PDXDC1: variants seen among roughly 807,000 people sequenced by gnomAD.
The protein encoded by PDXDC1 is pyridoxal dependent decarboxylase domain containing 1.
A neutral mutation model predicts 100.1 loss-of-function variants in PDXDC1; 42 were observed. That is an observed-to-expected ratio of 0.42 (90% CI 0.33 to 0.54). PDXDC1 has a LOEUF of 0.54. PDXDC1 is among the 20% of genes least tolerant of loss of function. PDXDC1 has a pLI of 0.10. For synonymous variants in PDXDC1, 260 were observed against 371.7 expected (o/e 0.70, Z 3.46); for missense variants, 636 against 979.2 (o/e 0.65, Z 4.68).
intron 16 of PDXDC1, chr16:15,094,290 C>G: frequency 7.1e-7 from 1 of 1,400,212 alleles, no homozygotes; most frequent in African/African-American, 1.4e-5. Flanking sequence ...TCCTTCCAGC[C>G]ACAGCCTCTG....
At chr16:14,996,703 G>T (rs1972056646) in intron 1 of PDXDC1, among the ~76,000 whole-genome samples, 1 of 152,260 alleles carries the variant, frequency 6.6e-6, no homozygotes, top group African/African-American at 2.4e-5. Flanking sequence ...AAAAAATTTT[G>T]AAAATTAGCC....
intron 16 of PDXDC1, among the ~76,000 whole-genome samples, chr16:15,124,063 C>A (rs906180405): frequency 3.3e-5 from 5 of 152,176 alleles, no homozygotes; most frequent in African/African-American, 1.2e-4. Context: ...TCATGACTGG[C>A]CTCTCAGGGA....
In PDXDC1 at chr16:14,975,389, G is replaced by C. The variant is rs531573797; in HGVS notation, c.21+169G>C. 48 of 985,382 alleles carry C rather than the reference G, an allele frequency of 4.9e-5. No individual in the cohort carries two copies. In the African/African-American group the frequency reaches 8.0e-4, roughly 16 times the overall value. The allele number at this position is 985,382 out of a possible 1,614,324, so 61.0% of individuals were successfully genotyped here. A position where few individuals can be genotyped will look rare whatever the true frequency, so the allele number is the denominator to read the frequency against. ...GGGAGGGCGGCTGGGGCCCGGGCGC[G>C]TCACGGGGCCGGGTGTCTCTTGGGT... On this transcript the variant is annotated intron_variant, in intron 1 of 22. Coordinates refer to ENST00000396410, the MANE Select transcript of PDXDC1 (RefSeq NM_015027.4).
At chr16:15,142,773 C>T (rs965586674), downstream of PDXDC1, among the ~76,000 whole-genome samples, 15 of 151,962 alleles carry the variant, frequency 9.9e-5, no homozygotes, top group African/African-American at 2.2e-4. Flanking sequence ...CCTCTGCACC[C>T]GCCAGGTGAC....
chr16:15,131,335 G>C, intron 16 of PDXDC1: 1 of 1,562,054 alleles, frequency 6.4e-7, no homozygotes, highest in South Asian at 1.1e-5. Context: ...CACCTTGGTG[G>C]AGACGGTGTA....
intron 16 of PDXDC1, chr16:15,071,212 A>G (rs767835427): frequency 6.2e-7 from 1 of 1,610,946 alleles, no homozygotes; most frequent in Non-Finnish European, 8.5e-7. Flanking sequence ...GGGTCCTGCA[A>G]TTTTTTCCAG....
At chr16:15,090,071 A>G (rs1454051561) in intron 16 of PDXDC1, among the ~76,000 whole-genome samples, 1 of 148,644 alleles carries the variant, frequency 6.7e-6, no homozygotes, top group East Asian at 2.1e-4. Flanking sequence ...TTAACCAGGC[A>G]TGGTGGCGGG....
intron 21 of PDXDC1, among the ~76,000 whole-genome samples, 176 bp downstream of exon 21, chr16:15,034,729 G>A (rs376669756): frequency 7.0e-4 from 107 of 152,186 alleles, no homozygotes; most frequent in African/African-American, 2.2e-3. Flanking sequence ...CCTCCCCACC[G>A]CACCCTGGCG....
intron 16 of PDXDC1, among the ~76,000 whole-genome samples, chr16:15,132,437 AG>A (rs2048148616): frequency 2.4e-5 from 1 of 42,500 alleles, no homozygotes. Context: ...GGGAAGGGGG[AG>A]GGGAGGGGAG....
intron 16 of PDXDC1, among the ~76,000 whole-genome samples, chr16:15,089,522 C>T (rs1168595077): frequency 3.9e-5 from 6 of 152,194 alleles, no homozygotes; most frequent in South Asian, 4.2e-4. Context: ...GATCACTGGC[C>T]GGGCGTGGTT....
chr16:15,088,922 T>A (rs1016362072), intron 16 of PDXDC1, among the ~76,000 whole-genome samples: 2 of 151,842 alleles, frequency 1.3e-5, no homozygotes, highest in Admixed American at 1.3e-4. Flanking sequence ...GAAAGCTCCA[T>A]GAAAGATGGA....
chr16:15,033,321 G>T lies in PDXDC1; in HGVS notation c.1734G>T (p.Met578Ile). Residue 578 changes from methionine to isoleucine, a missense_variant, in exon 19 of 23, where the codon ATG (methionine) becomes ATT (isoleucine). Coordinates refer to ENST00000396410, the MANE Select transcript of PDXDC1 (RefSeq NM_015027.4). ...TGAAGAGCTGCCTTTATGTCGGCAT[G>T]GCGAGCGACAACGTCGATGCTGCTG... Reference protein sequence around the residue: ...KSMKSCLYVGMASDNVDAAEL... With the variant: ...KSMKSCLYVGIASDNVDAAEL... 6.2e-7 allele frequency: 1 copy of T among 1,614,186 alleles called. No individual in the cohort carries two copies. The highest frequency in any genetic ancestry group is 8.5e-7 in the Non-Finnish European group (1 of 1,180,012).
intron 16 of PDXDC1, chr16:15,070,255 C>T: frequency 6.2e-7 from 1 of 1,611,406 alleles, no homozygotes; most frequent in Non-Finnish European, 8.5e-7. Flanking sequence ...TTTTACAGTA[C>T]TAGAGAAAAG....
Position 15,135,589 on chromosome 16 carries a change from T to C in PDXDC1, c.1400-3290T>C, listed in dbSNP as rs982035684. On this transcript the variant is annotated intron_variant, in intron 16 of 16. Transcript: ENST00000535621. ...AGCCCTGGTGGCAAGCTGGGTGTTC[T>C]CTGGGCTCATGGGTGTGGACGGGTG... The C allele has an allele frequency of 8.1e-6, 11 of 1,352,880 alleles. No homozygotes were observed. The African/African-American group carries it at 1.5e-4, about 19-fold the overall frequency. 83.8% of individuals were successfully genotyped at this position (1,352,880 alleles called of 1,614,324 possible).
At chr16:15,125,756 C>T (rs767562885) in intron 16 of PDXDC1, 22 of 1,507,966 alleles carry the variant, frequency 1.5e-5, no homozygotes, top group East Asian at 4.6e-5. Context: ...AGGCAGCTGT[C>T]GATGTCCAGC....
chr16:15,012,814 C>T (rs1374382899), intron 8 of PDXDC1, among the ~76,000 whole-genome samples: 1 of 151,748 alleles, frequency 6.6e-6, no homozygotes, highest in East Asian at 2.0e-4. Context: ...ATTGTGCTAC[C>T]ATACCCCAGC....
intron 5 of PDXDC1, among the ~76,000 whole-genome samples, chr16:15,004,601 GTTAT>G (rs1309028478): frequency 3.3e-5 from 5 of 152,276 alleles, no homozygotes; most frequent in African/African-American, 1.2e-4. Flanking sequence ...AGGGTCAGCA[GTTAT>G]TTATTTGTGG....
In PDXDC1 at chr16:15,136,143, T is replaced by A. The variant is rs1226631577; in HGVS notation, c.1400-2736T>A. On this transcript the variant is annotated intron_variant, in intron 16 of 16. Transcript: ENST00000535621. ...ACACGTCTAGGCTCCTGGGGGCGGG[T>A]GTGGGATGCCAGGGGGCTCAGGGCA... 10 of 1,395,816 alleles carry A rather than the reference T, an allele frequency of 7.2e-6. No individual in the cohort carries two copies. In the Admixed American group the frequency reaches 1.8e-4, roughly 26 times the overall value. The allele number at this position is 1,395,816 out of a possible 1,614,324, so 86.5% of individuals were successfully genotyped here.
chr16:15,021,897 C>T (rs1263498185), intron 12 of PDXDC1, among the ~76,000 whole-genome samples: 7 of 152,292 alleles, frequency 4.6e-5, no homozygotes, highest in African/African-American at 1.7e-4. Flanking sequence ...CAGTGTCAGG[C>T]ACCATGAAGT....
Sources: allele counts gnomAD v4.1 joint callset (sites outside exome capture counted in the v4.1 genomes callset), GRCh38; gene constraint gnomAD v4.1.1; transcripts MANE v1.5; gene names NCBI Gene and HGNC (gene_info 2026-07-23, HGNC 2026-07-21).